SOS2: variants seen among roughly 807,000 people sequenced by gnomAD.
SOS2 encodes the protein son of sevenless homolog 2.
Under a neutral mutation model 148.2 loss-of-function variants are expected in SOS2, and 65 were observed. The observed-to-expected ratio is 0.44, with a 90% confidence interval of 0.36 to 0.54. The LOEUF (loss-of-function observed/expected upper bound fraction) is 0.54, where lower values mean the gene tolerates loss of function less well. SOS2 is among the 20% of genes least tolerant of loss of function. The pLI is 0.00. For missense variants in SOS2, 1,341 were observed against 1,590.2 expected (o/e 0.84, Z 2.67); for synonymous variants, 539 against 537.1 (o/e 1.00, Z -0.05).
chr14:50,212,680 G>C (rs1356831855), intron 1 of SOS2, among the ~76,000 whole-genome samples: 1 of 152,148 alleles, frequency 6.6e-6, no homozygotes, highest in African/African-American at 2.4e-5. Context: ...GAATCATCTA[G>C]CAAACAGAGG....
In SOS2 at chr14:50,133,242, C is replaced by CTTTTTTTTTTTTT. The variant is rs753590435; in HGVS notation, c.3075+880_3075+881insAAAAAAAAAAAAA. ...TTTCCATGAACTTTTTTTCTTTTTT[C>CTTTTTTTTTTTTT]TTTTTTCTTTTTTTTTTTTTTTGAG... On this transcript the variant is annotated intron_variant, in intron 19 of 22. Transcript: ENST00000216373. 2.7e-4 allele frequency among the ~76,000 whole-genome samples: 21 copies of CTTTTTTTTTTTTT among 78,812 alleles called. 2 individuals carry two copies. Among genetic ancestry groups the CTTTTTTTTTTTTT allele is most frequent in the African/African-American group, 4.2e-4 (9 of 21,322 alleles). 51.7% of individuals were successfully genotyped at this position (78,812 alleles called of 152,430 possible).
Position 50,177,181 on chromosome 14 carries a change from G to A in SOS2, c.970-2629C>T, listed in dbSNP as rs939605730. Among the ~76,000 whole-genome samples the A allele has an allele frequency of 3.3e-5, 5 of 152,098 alleles. 1 individual carries two copies. The highest frequency in any genetic ancestry group is 7.4e-5 in the Non-Finnish European group (5 of 68,016). ...AAAAAAATACCAAAATTAGCCAGGC[G>A]TGGTGGTCCACACTTGTAGTCTCAG... On this transcript the variant is annotated intron_variant, in intron 7 of 22. Coordinates refer to ENST00000216373, the MANE Select transcript of SOS2 (RefSeq NM_006939.4).
intron 1 of SOS2, among the ~76,000 whole-genome samples, chr14:50,226,451 G>A (rs902923663): frequency 3.9e-5 from 6 of 152,080 alleles, no homozygotes; most frequent in African/African-American, 1.2e-4. Flanking sequence ...TTGTACAAAC[G>A]CAGAAACACT....
chr14:50,224,883 C>CCAAAA (rs1247344032), intron 1 of SOS2, among the ~76,000 whole-genome samples: 1 of 96,702 alleles, frequency 1.0e-5, no homozygotes, highest in African/African-American at 4.1e-5. Flanking sequence ...AAAACCCTGT[C>CCAAAA]AAAAAAAAAA....
At chr14:50,129,915 TATCTTTA>T (rs1221510160) in intron 21 of SOS2, 39 bp downstream of exon 21, 1 of 1,176,656 alleles carries the variant, frequency 8.5e-7, no homozygotes. Context: ...ACCAGATTAT[TATCTTTA>T]CAGTCATTTC....
intron 1 of SOS2, among the ~76,000 whole-genome samples, chr14:50,207,393 C>T (rs1886695771): frequency 6.6e-6 from 1 of 151,868 alleles, no homozygotes; most frequent in South Asian, 2.1e-4. Context: ...TGCCTGTAGT[C>T]CCAGCTACTC....
intron 4 of SOS2, among the ~76,000 whole-genome samples, chr14:50,193,013 T>C (rs1595011565): frequency 6.6e-6 from 1 of 152,172 alleles, no homozygotes; most frequent in East Asian, 1.9e-4. Flanking sequence ...TTTGGTTTTT[T>C]TTGTCCACTG....
At chr14:50,168,065 T>C (rs867814226) in intron 8 of SOS2, among the ~76,000 whole-genome samples, 1 of 152,228 alleles carries the variant, frequency 6.6e-6, no homozygotes, top group Admixed American at 6.5e-5. Flanking sequence ...AGCTTTAAAC[T>C]AAATTAATTC....
At chr14:50,201,881 C>T (rs532304512) in intron 2 of SOS2, among the ~76,000 whole-genome samples, 4 of 152,280 alleles carry the variant, frequency 2.6e-5, no homozygotes, top group African/African-American at 9.6e-5. Flanking sequence ...GGTGAGAGAG[C>T]TCAGAATGGC....
At chr14:50,164,004 A>G (rs113285534) in intron 8 of SOS2, among the ~76,000 whole-genome samples, 5 of 152,312 alleles carry the variant, frequency 3.3e-5, no homozygotes, top group African/African-American at 1.2e-4. Context: ...ATATTAAACA[A>G]CGGCTCTGTT....
chr14:50,189,335 A>AAAAAAAAAAAAAAAAAAAAAG, intron 4 of SOS2, among the ~76,000 whole-genome samples: 1 of 143,010 alleles, frequency 7.0e-6, no homozygotes, highest in Admixed American at 7.1e-5. Context: ...TAATAGCAAA[A>AAAAAAAAAAAAAAAAAAAAAG]AAAAAAAAAA....
chr14:50,140,127 T>TA (rs1467455806), intron 16 of SOS2, 68 bp from the exon 17 acceptor site: 2 of 801,160 alleles, frequency 2.5e-6, no homozygotes, highest in Non-Finnish European at 4.0e-6. Context: ...TGCAAACCTT[T>TA]AAATTTTATA....
At chr14:50,179,862 A>C (rs1044523437) in intron 7 of SOS2, among the ~76,000 whole-genome samples, 3 of 152,088 alleles carry the variant, frequency 2.0e-5, no homozygotes, top group Non-Finnish European at 4.4e-5. Context: ...TATCTCCTTT[A>C]AATTGTAGGC....
In SOS2 at chr14:50,150,416, G is replaced by A. The variant is rs751151218; in HGVS notation, c.2162-186C>T. On this transcript the variant is annotated intron_variant, in intron 13 of 22. Coordinates refer to ENST00000216373, the MANE Select transcript of SOS2 (RefSeq NM_006939.4). ...TATTCTGAAACAAATCCGAGACATC[G>A]TATTTCATTCATATTTAAGCACCTT... is the stretch of plus-strand genomic sequence containing the variant. Among the ~76,000 whole-genome samples the A allele has an allele frequency of 3.3e-5, 5 of 151,958 alleles. 1 individual carries two copies. In the East Asian group the frequency reaches 5.8e-4, roughly 18 times the overall value.
At chr14:50,204,635 T>C (rs1886603458) in intron 1 of SOS2, among the ~76,000 whole-genome samples, 1 of 152,174 alleles carries the variant, frequency 6.6e-6, no homozygotes, top group Non-Finnish European at 1.5e-5. Flanking sequence ...TGGAAAGCCA[T>C]TGAACCCTCT....
chr14:50,166,641 T>C (rs1885177303), intron 8 of SOS2, among the ~76,000 whole-genome samples: 1 of 152,204 alleles, frequency 6.6e-6, no homozygotes, highest in Non-Finnish European at 1.5e-5. Flanking sequence ...TTATATTTCA[T>C]GTAAGTTTTT....
At chr14:50,165,327 A>G (rs1885132220) in intron 8 of SOS2, among the ~76,000 whole-genome samples, 1 of 152,166 alleles carries the variant, frequency 6.6e-6, no homozygotes, top group African/African-American at 2.4e-5. Context: ...CTAAATTGTC[A>G]TGTTTCTATT....
intron 17 of SOS2, among the ~76,000 whole-genome samples, chr14:50,139,470 G>A (rs1247315565): frequency 6.6e-6 from 1 of 152,048 alleles, no homozygotes; most frequent in Non-Finnish European, 1.5e-5. Context: ...ATCCTATTAC[G>A]CACACGACAG....
chr14:50,224,314 T>TACACACACACACACACAC (rs71118856), intron 1 of SOS2, among the ~76,000 whole-genome samples: 2 of 101,018 alleles, frequency 2.0e-5, no homozygotes, highest in African/African-American at 8.7e-5. Context: ...AATATATATA[T>TACACACACACACACACAC]ACACACACAC....
Sources: allele counts gnomAD v4.1 joint callset (sites outside exome capture counted in the v4.1 genomes callset), GRCh38; gene constraint gnomAD v4.1.1; transcripts MANE v1.5; gene names NCBI Gene and HGNC (gene_info 2026-07-23, HGNC 2026-07-21).